The following SH3RF1 variants were observed in gnomAD, a reference collection of about 807,000 sequenced individuals.
SH3RF1 encodes the protein SH3 domain containing ring finger 1.
In SH3RF1, 32 loss-of-function variants were observed where a neutral mutation model predicts 74.0. That is an observed-to-expected ratio of 0.43 (90% CI 0.33 to 0.58). The LOEUF is 0.58. SH3RF1 is among the 20% of genes least tolerant of loss of function. SH3RF1 has a pLI of 0.05. For synonymous variants in SH3RF1, 396 were observed against 439.6 expected, an observed-to-expected ratio of 0.90 and a Z score of 1.24; for missense variants, 954 against 1,130.9, an observed-to-expected ratio of 0.84 and a Z score of 2.24.
intron 2 of SH3RF1, among the ~76,000 whole-genome samples, chr4:169,193,054 T>TA (rs1734754471): frequency 1.3e-5 from 2 of 152,010 alleles, no homozygotes; most frequent in Non-Finnish European, 2.9e-5. Context: ...AAACATTGTA[T>TA]GTTCTCACTT....
intron 4 of SH3RF1, among the ~76,000 whole-genome samples, chr4:169,145,145 C>T (rs1350502507): frequency 6.6e-6 from 1 of 152,154 alleles, no homozygotes; most frequent in Admixed American, 6.5e-5. Context: ...ACGTTTATTG[C>T]AGCACTATTC....
chr4:169,161,505 C>G (rs1437165746), intron 2 of SH3RF1, among the ~76,000 whole-genome samples: 1 of 152,166 alleles, frequency 6.6e-6, no homozygotes, highest in Non-Finnish European at 1.5e-5. Context: ...ACTTGATGAA[C>G]TAGCTGAGAT....
At chr4:169,231,898 T>C (rs1485825578) in intron 2 of SH3RF1, among the ~76,000 whole-genome samples, 1 of 152,222 alleles carries the variant, frequency 6.6e-6, no homozygotes, top group Non-Finnish European at 1.5e-5. Flanking sequence ...AAACCTGTTA[T>C]TCTAGAAGGA....
chr4:169,169,891 C>T (rs149115215), intron 2 of SH3RF1, among the ~76,000 whole-genome samples: 4 of 152,204 alleles, frequency 2.6e-5, no homozygotes, highest in African/African-American at 7.2e-5. Context: ...TTTAAAAATA[C>T]TTTGTAAATA....
At chr4:169,181,650 T>C (rs995146154) in intron 2 of SH3RF1, among the ~76,000 whole-genome samples, 1 of 152,092 alleles carries the variant, frequency 6.6e-6, no homozygotes, top group Non-Finnish European at 1.5e-5. Flanking sequence ...GATACCTGAG[T>C]GTGTAAAAAT....
At chr4:169,189,241 GA>G (rs1215733194) in intron 2 of SH3RF1, among the ~76,000 whole-genome samples, 2 of 152,148 alleles carry the variant, frequency 1.3e-5, no homozygotes, top group Non-Finnish European at 2.9e-5. Context: ...CTTAAATTCA[GA>G]AAAAACTATC....
intron 2 of SH3RF1, among the ~76,000 whole-genome samples, chr4:169,165,641 G>GA (rs993512818): frequency 1.3e-5 from 2 of 151,942 alleles, no homozygotes; most frequent in African/African-American, 2.4e-5. Flanking sequence ...AAAAGGCGGG[G>GA]GGGGGAGTCA....
chr4:169,221,258 A>T (rs1033282256), intron 2 of SH3RF1, among the ~76,000 whole-genome samples: 1 of 151,544 alleles, frequency 6.6e-6, no homozygotes, highest in Non-Finnish European at 1.5e-5. Flanking sequence ...GATCCCTAAC[A>T]CTCTCTGCTC....
chr4:169,146,092 TTC>T (rs1375249188), intron 4 of SH3RF1, among the ~76,000 whole-genome samples: 10 of 127,444 alleles, frequency 7.8e-5, no homozygotes, highest in African/African-American at 3.1e-4. Flanking sequence ...ATTCTATATA[TTC>T]TATATAAAAT....
chr4:169,123,742 A>T (rs1475514045), intron 6 of SH3RF1, among the ~76,000 whole-genome samples: 6 of 152,154 alleles, frequency 3.9e-5, no homozygotes, highest in African/African-American at 1.4e-4. Context: ...ATACAAAAAA[A>T]TTAGCCGGGT....
chr4:169,239,806 A>G (rs1369529932), intron 2 of SH3RF1, among the ~76,000 whole-genome samples: 25 of 152,154 alleles, frequency 1.6e-4, no homozygotes, highest in African/African-American at 2.4e-5. Context: ...GGATCACCTG[A>G]GGTCAGGAGT....
intron 2 of SH3RF1, among the ~76,000 whole-genome samples, chr4:169,197,096 C>T (rs528249471): frequency 6.6e-6 from 1 of 152,174 alleles, no homozygotes; most frequent in Non-Finnish European, 1.5e-5. Flanking sequence ...ACTTCCACCT[C>T]CTGGGTTCAA....
chr4:169,175,815 C>T (rs1734410803), intron 2 of SH3RF1, among the ~76,000 whole-genome samples: 1 of 152,288 alleles, frequency 6.6e-6, no homozygotes, highest in South Asian at 2.1e-4. Flanking sequence ...CTATTTGTAT[C>T]TTCCCTCTCC....
chr4:169,138,072 T>C (rs965559920), intron 4 of SH3RF1, among the ~76,000 whole-genome samples: 9 of 152,162 alleles, frequency 5.9e-5, no homozygotes. Flanking sequence ...TTCCGATATG[T>C]GTTTAGGGAT....
In SH3RF1 at chr4:169,269,299, G is replaced by C. The variant is rs2110767781; in HGVS notation, c.-87C>G. On this transcript the variant is annotated 5_prime_UTR_variant, in exon 2 of 12. Transcript: ENST00000284637. The stretch of plus-strand genomic sequence containing the variant: ...AATGACTCATGTAACATCCATTTCA[G>C]ACTTTGCTCTAGAGTCATGGGGAAA... 1 of 1,400,938 alleles carries C rather than the reference G, an allele frequency of 7.1e-7. No individual in the cohort carries two copies. The highest frequency in any genetic ancestry group is 9.5e-7 in the Non-Finnish European group (1 of 1,052,016). 86.8% of individuals were successfully genotyped at this position (1,400,938 alleles called of 1,614,324 possible).
chr4:169,169,345 C>A (rs553421617), intron 2 of SH3RF1, among the ~76,000 whole-genome samples: 3 of 152,156 alleles, frequency 2.0e-5, no homozygotes, highest in Non-Finnish European at 4.4e-5. Flanking sequence ...ACCTGTAATC[C>A]CAGCACTTTG....
In SH3RF1 at chr4:169,162,102, A is replaced by C. The variant is rs138734139; in HGVS notation, c.394-5423T>G. On this transcript the variant is annotated intron_variant, in intron 2 of 11. Coordinates refer to ENST00000284637, the MANE Select transcript of SH3RF1 (RefSeq NM_020870.4). ...GAGGCAGTAGGCAGAGGTTGCAGTG[A>C]GCCAAGATGGCGCCACTGCACTCCA... Among the ~76,000 whole-genome samples the C allele has an allele frequency of 3.5e-3, 539 of 152,274 alleles. 5 individuals are homozygous for C. Among genetic ancestry groups the C allele is most frequent in the African/African-American group, 0.012 (499 of 41,556 alleles).
chr4:169,224,134 C>T (rs1205212954), intron 2 of SH3RF1, among the ~76,000 whole-genome samples: 1 of 152,172 alleles, frequency 6.6e-6, no homozygotes, highest in African/African-American at 2.4e-5. Flanking sequence ...CCACTAATTT[C>T]TAAACACTCC....
chr4:169,227,090 C>A (rs1259168338), intron 2 of SH3RF1, among the ~76,000 whole-genome samples: 7 of 151,806 alleles, frequency 4.6e-5, no homozygotes, highest in African/African-American at 1.7e-4. Context: ...TGCTTGAGCC[C>A]AGGAGGTTGA....
Sources: gnomAD v4.1 joint callset for allele counts (sites outside exome capture counted in the v4.1 genomes callset) on GRCh38, gnomAD v4.1.1 for gene constraint, MANE v1.5 for transcripts, NCBI Gene and HGNC (gene_info 2026-07-23, HGNC 2026-07-21) for gene names.